TNS3: variants seen among roughly 807,000 people sequenced by gnomAD.
TNS3 encodes tensin 3, also known as tensin-3.
TNS3 carries 45 observed loss-of-function variants against 140.9 expected under a neutral mutation model. That is an observed-to-expected ratio of 0.32 (90% CI 0.25 to 0.41). TNS3 has a LOEUF of 0.41. TNS3 is among the 10% of genes least tolerant of loss of function. The probability of loss-of-function intolerance (pLI) is 1.00; values close to 1 mark genes in which losing one functional copy is unlikely to be tolerated. For missense variants in TNS3, 1,716 were observed against 1,906.7 expected, an observed-to-expected ratio of 0.90 and a Z score of 1.86; for synonymous variants, 815 against 788.4, an observed-to-expected ratio of 1.03 and a Z score of -0.56.
At chr7:47,443,185 T>A (rs1057411937) in intron 4 of TNS3, among the ~76,000 whole-genome samples, 1 of 152,150 alleles carries the variant, frequency 6.6e-6, no homozygotes, top group African/African-American at 2.4e-5. Flanking sequence ...CCACTCCACT[T>A]CTTTGTCTCC....
intron 17 of TNS3, among the ~76,000 whole-genome samples, chr7:47,356,843 G>A (rs1790020007): frequency 6.6e-6 from 1 of 152,016 alleles, no homozygotes; most frequent in African/African-American, 2.4e-5. Context: ...TTGAGAGACT[G>A]AGGAGGGTGG....
upstream of TNS3, chr7:47,582,271 G>T (rs554515712): frequency 3.1e-5 from 11 of 354,238 alleles, no homozygotes; most frequent in East Asian, 9.5e-4. Flanking sequence ...GCGCCTCCAG[G>T]CGCCCTTCAC....
intron 1 of TNS3, among the ~76,000 whole-genome samples, chr7:47,563,909 T>A (rs1035884675): frequency 6.6e-6 from 1 of 152,126 alleles, no homozygotes; most frequent in Admixed American, 6.5e-5. Context: ...GATTAACATT[T>A]AAGGCCGGGC....
At chr7:47,547,117 A>G (rs1262010529) in intron 1 of TNS3, among the ~76,000 whole-genome samples, 3 of 152,124 alleles carry the variant, frequency 2.0e-5, no homozygotes, top group Non-Finnish European at 4.4e-5. Context: ...GGGAGCAGAG[A>G]GAAGATAAAG....
chr7:47,481,541 C>T (rs551729817), intron 3 of TNS3: 1 of 532,880 alleles, frequency 1.9e-6, no homozygotes, highest in South Asian at 8.1e-5. Context: ...GTCTTCAAGA[C>T]CCCACTCCTC....
rs146398920 is a variant in TNS3, at chr7:47,295,331, G to A, written c.3677-1503C>T. ...TTGTCCTTGCTTTAAAACTTTACAC[G>A]GAAACGAAGGAGCCAACCAAAACCA... On this transcript the variant is annotated intron_variant, in intron 24 of 30. Coordinates refer to ENST00000311160, the MANE Select transcript of TNS3 (RefSeq NM_022748.12). 4.6e-3 allele frequency among the ~76,000 whole-genome samples: 701 copies of A among 152,220 alleles called. 3 individuals carry two copies. Among genetic ancestry groups the A allele is most frequent in the South Asian group, 0.017 (83 of 4,808 alleles).
chr7:47,404,612 C>T (rs909356213), intron 13 of TNS3, among the ~76,000 whole-genome samples: 14 of 151,716 alleles, frequency 9.2e-5, no homozygotes, highest in African/African-American at 3.4e-4. Flanking sequence ...CCCGGCCGGG[C>T]GCGGTGGCTC....
In TNS3 at chr7:47,319,917, C is replaced by T. The variant is rs183377372; in HGVS notation, c.2651-14914G>A. On this transcript the variant is annotated intron_variant, in intron 20 of 30. Coordinates refer to ENST00000311160, the MANE Select transcript of TNS3 (RefSeq NM_022748.12). ...CCCTAACCAGGCGTTGCCATCTTCA[C>T]CCAGTATTTCTAAAGCGTCCTGTGA... Among the ~76,000 whole-genome samples the T allele has an allele frequency of 2.0e-4, 31 of 152,262 alleles. No individual in the cohort carries two copies. The South Asian group carries it at 6.2e-3, about 31-fold the overall frequency.
intron 16 of TNS3, among the ~76,000 whole-genome samples, chr7:47,388,908 G>GGGGAGA (rs139851538): frequency 0.96 from 129,750 of 135,664 alleles, 62,267 homozygotes; most frequent in Non-Finnish European, 0.99. Flanking sequence ...AGAAGAAGAA[G>GGGGAGA]GGGAGAGGGA....
At chr7:47,284,702 C>A (rs541589310) in intron 27 of TNS3, among the ~76,000 whole-genome samples, 61 of 152,362 alleles carry the variant, frequency 4.0e-4, no homozygotes, top group African/African-American at 1.4e-3. Flanking sequence ...ACTGCCCTCA[C>A]TCACTTGCCC....
At chr7:47,548,120 G>A (rs559100166) in intron 1 of TNS3, among the ~76,000 whole-genome samples, 6 of 152,204 alleles carry the variant, frequency 3.9e-5, no homozygotes, top group South Asian at 2.1e-4. Context: ...GGCTGGCCTC[G>A]AACTCCTGAC....
At chr7:47,286,580 T>C (rs1785432396) in intron 27 of TNS3, among the ~76,000 whole-genome samples, 2 of 152,088 alleles carry the variant, frequency 1.3e-5, no homozygotes, top group African/African-American at 4.8e-5. Flanking sequence ...ACCCATGGCA[T>C]GGAGTTCTGT....
intron 23 of TNS3, among the ~76,000 whole-genome samples, chr7:47,298,737 C>T (rs1049711018): frequency 2.0e-5 from 3 of 152,248 alleles, no homozygotes; most frequent in African/African-American, 4.8e-5. Context: ...CACATGCCCC[C>T]AGGCCTGACC....
chr7:47,425,191 C>T (rs1794582928), intron 9 of TNS3, among the ~76,000 whole-genome samples: 1 of 152,050 alleles, frequency 6.6e-6, no homozygotes, highest in African/African-American at 2.4e-5. Flanking sequence ...ATGGTGGGTG[C>T]CTATAATCCC....
At position 47,400,750 on chromosome 7, in the gene TNS3, C is replaced by G; in HGVS notation, c.853+35G>C. 7 of 1,609,028 alleles carry G rather than the reference C, an allele frequency of 4.4e-6. No individual in the cohort carries two copies. The South Asian group carries it at 7.7e-5, about 18-fold the overall frequency. ...AACCAAGGAGGTTCAACCGCAGCTG[C>G]CCACAAGCACAGGGCCGCCAGCTCC... On this transcript the variant is annotated intron_variant, in intron 14 of 30. Transcript: ENST00000311160.
chr7:47,488,807 G>A (rs1332729073), intron 3 of TNS3, among the ~76,000 whole-genome samples: 1 of 150,398 alleles, frequency 6.6e-6, no homozygotes, highest in African/African-American at 2.5e-5. Context: ...TGAGGCCGGG[G>A]GCTCCTGACA....
chr7:47,500,340 G>A (rs901581381), intron 3 of TNS3, among the ~76,000 whole-genome samples: 4 of 152,308 alleles, frequency 2.6e-5, no homozygotes, highest in Admixed American at 1.3e-4. Context: ...AGGGATGCCC[G>A]TGTAAACATT....
At chr7:47,387,404 C>T (rs1329978489) in intron 16 of TNS3, among the ~76,000 whole-genome samples, 3 of 152,164 alleles carry the variant, frequency 2.0e-5, no homozygotes, top group East Asian at 1.9e-4. Context: ...GCACCAAGAA[C>T]GTCACTCTAA....
chr7:47,426,682 A>G (rs1005686053), intron 9 of TNS3, among the ~76,000 whole-genome samples: 6 of 152,164 alleles, frequency 3.9e-5, no homozygotes, highest in African/African-American at 1.2e-4. Context: ...GCTGAAATAC[A>G]TATTGACTAT....
Sources: allele counts gnomAD v4.1 joint callset (sites outside exome capture counted in the v4.1 genomes callset), GRCh38; gene constraint gnomAD v4.1.1; transcripts MANE v1.5; gene names NCBI Gene and HGNC (gene_info 2026-07-23, HGNC 2026-07-21).